CD99L2: variants seen among roughly 807,000 people sequenced by gnomAD.
The protein encoded by CD99L2 is CD99 antigen-like protein 2.
Under a neutral mutation model 27.3 loss-of-function variants are expected in CD99L2, and 24 were observed. The ratio of observed to expected loss-of-function variants is 0.88; its 90% CI spans 0.64 to 1.24. CD99L2 has a LOEUF of 1.24. Ranked by LOEUF, CD99L2 falls within the 50% of genes most tolerant of loss-of-function variation. CD99L2 has a pLI of 0.00. For missense variants in CD99L2, 255 were observed against 221.6 expected (o/e 1.15, Z -0.96); for synonymous variants, 97 against 87.9 (o/e 1.10, Z -0.58).
intron 7 of CD99L2, among the ~76,000 whole-genome samples, chrX:150,787,921 T>C (rs1313727734): frequency 1.2e-4 from 10 of 85,580 alleles, no homozygotes; most frequent in African/African-American, 5.1e-4. Flanking sequence ...TATATATATA[T>C]ATATAAAAGG....
chrX:150,897,215 CCTTT>C (rs781784462), intron 1 of CD99L2, among the ~76,000 whole-genome samples: 2 of 112,354 alleles, frequency 1.8e-5, no homozygotes, highest in African/African-American at 6.5e-5. Context: ...CCTGTAACTT[CCTTT>C]ATTTTTCTCC....
chrX:150,868,527 A>G (rs1217078888), intron 1 of CD99L2, among the ~76,000 whole-genome samples: 1 of 112,140 alleles, frequency 8.9e-6, no homozygotes, highest in African/African-American at 3.2e-5. Flanking sequence ...TGTCACACAC[A>G]TACACAAGAA....
Position 150,852,405 on chromosome X carries a change from G to T in CD99L2, c.68-21112C>A, listed in dbSNP as rs1603306128. ...TCTATCCCACCTCAGGGCCCTCAGGGGTCCCTCTGCCCGGAAGACTCCTCC... is the reference window on the plus strand; with the variant it reads ...TCTATCCCACCTCAGGGCCCTCAGGTGTCCCTCTGCCCGGAAGACTCCTCC... On this transcript the variant is annotated intron_variant, in intron 1 of 10. Coordinates refer to ENST00000370377, the MANE Select transcript of CD99L2 (RefSeq NM_031462.4). Among the ~76,000 whole-genome samples, 5 of 109,466 alleles carry T rather than the reference G, an allele frequency of 4.6e-5. No individual in the cohort carries two copies. The South Asian group carries it at 2.0e-3, about 44-fold the overall frequency.
chrX:150,797,170 G>T (rs2045810335), intron 4 of CD99L2, among the ~76,000 whole-genome samples: 1 of 110,803 alleles, frequency 9.0e-6, no homozygotes, highest in South Asian at 3.8e-4. Context: ...AGAGATCCAT[G>T]AAACTGAAAA....
chrX:150,891,649 G>A (rs1557422822), intron 1 of CD99L2, among the ~76,000 whole-genome samples: 1 of 112,067 alleles, frequency 8.9e-6, no homozygotes, highest in East Asian at 2.8e-4. Flanking sequence ...CCAGAGATCA[G>A]GACGTGGATG....
chrX:150,796,270 T>C (rs73609537), intron 4 of CD99L2, among the ~76,000 whole-genome samples: 10,819 of 112,286 alleles, frequency 0.096, 457 homozygotes, highest in Middle Eastern at 0.18. Context: ...TAAAATGTAT[T>C]GCCTATCATT....
rs1557418991 is a variant in CD99L2, at chrX:150,770,344, C to T, written c.681G>A (p.Lys227=). ...ATACCACGGCTTCCAGGTTCTCTCC[C>T]TTCACGTAGTCTGCGTTGAGACCCT... The part of the protein sequence containing the change: ...IQQGLNADYV[K]GENLEAVVCE... The change falls in exon 10 of 11, where the codon AAG becomes AAA. Residue 227 remains lysine, a synonymous_variant. Coordinates refer to ENST00000370377, the MANE Select transcript of CD99L2 (RefSeq NM_031462.4). The T allele has an allele frequency of 1.2e-5, 14 of 1,210,510 alleles. No individual in the cohort carries two copies. The highest frequency in any genetic ancestry group is 1.5e-5 in the Non-Finnish European group (13 of 895,228).
At chrX:150,816,631 CAG>C (rs2046159822) in intron 2 of CD99L2, among the ~76,000 whole-genome samples, 2 of 111,166 alleles carry the variant, frequency 1.8e-5, no homozygotes, top group East Asian at 5.7e-4. Flanking sequence ...TTGTGGAAGT[CAG>C]TGTGGCGATT....
chrX:150,833,406 T>TA (rs2046474504), intron 1 of CD99L2, among the ~76,000 whole-genome samples: 1 of 112,127 alleles, frequency 8.9e-6, no homozygotes, highest in Non-Finnish European at 1.9e-5. Flanking sequence ...AGATACGATG[T>TA]AATTTTTATC....
chrX:150,773,950 C>T (rs1557419182), intron 9 of CD99L2, among the ~76,000 whole-genome samples: 1 of 111,549 alleles, frequency 9.0e-6, no homozygotes, highest in Non-Finnish European at 1.9e-5. Flanking sequence ...CTCCTTGCCA[C>T]CCCAGCCACC....
intron 1 of CD99L2, among the ~76,000 whole-genome samples, chrX:150,893,282 A>G (rs7063917): frequency 0.29 from 31,666 of 110,146 alleles, 3,535 homozygotes; most frequent in African/African-American, 0.39. Flanking sequence ...CCATAAGGGC[A>G]ACCCTGGAGC....
At chrX:150,778,261 G>A (rs782136575) in intron 7 of CD99L2, among the ~76,000 whole-genome samples, 6 of 110,522 alleles carry the variant, frequency 5.4e-5, no homozygotes, top group African/African-American at 9.9e-5. Flanking sequence ...CTTAATTAGC[G>A]TTGAGTTCAC....
intron 1 of CD99L2, among the ~76,000 whole-genome samples, chrX:150,886,046 T>C (rs1157495534): frequency 8.9e-6 from 1 of 111,746 alleles, no homozygotes; most frequent in Non-Finnish European, 1.9e-5. Flanking sequence ...GAGTCTAAGG[T>C]ATGTTCCTAG....
chrX:150,835,445 G>A (rs782280872), intron 1 of CD99L2, among the ~76,000 whole-genome samples: 1 of 111,961 alleles, frequency 8.9e-6, no homozygotes, highest in South Asian at 3.7e-4. Flanking sequence ...AAGGAGGATC[G>A]CTGGAGGCTA....
intron 1 of CD99L2, among the ~76,000 whole-genome samples, chrX:150,860,748 C>T (rs1391799692): frequency 9.0e-6 from 1 of 111,137 alleles, no homozygotes; most frequent in African/African-American, 3.3e-5. Context: ...TAAATTTAAC[C>T]AAGGAGGTGA....
chrX:150,767,504 C>T lies in CD99L2; in HGVS notation c.*1530G>A, dbSNP rs1245442869. ...GGCCTCACAAGGCAGCCTTGAGACG[C>T]ACAGGGCTACAACTGACCACCCTCC... On this transcript the variant is annotated 3_prime_UTR_variant, in exon 11 of 11. Transcript: ENST00000370377. 8.9e-6 allele frequency: 1 copy of T among 111,817 alleles called. No individual in the cohort carries two copies. The highest frequency in any genetic ancestry group is 1.9e-5 in the Non-Finnish European group (1 of 53,157). 9.2% of individuals were successfully genotyped at this position (111,817 alleles called of 1,213,427 possible). A position where few individuals can be genotyped will look rare whatever the true frequency, so the allele number is the denominator to read the frequency against.
chrX:150,790,860 A>T (rs2045675383), intron 7 of CD99L2, among the ~76,000 whole-genome samples: 2 of 112,098 alleles, frequency 1.8e-5, no homozygotes, highest in Admixed American at 1.9e-4. Flanking sequence ...GGTGTTATGT[A>T]CTGAACATTT....
chrX:150,862,918 C>T (rs1227930022), intron 1 of CD99L2, among the ~76,000 whole-genome samples: 1 of 103,117 alleles, frequency 9.7e-6, no homozygotes, highest in African/African-American at 3.7e-5. Flanking sequence ...AATCCACCAA[C>T]CAGGTGCCCA....
intron 2 of CD99L2, among the ~76,000 whole-genome samples, chrX:150,830,742 G>A (rs1557421040): frequency 9.0e-6 from 1 of 111,349 alleles, no homozygotes; most frequent in African/African-American, 3.3e-5. Flanking sequence ...ACATTGTTAG[G>A]TATTCTTAAC....
Sources: gnomAD v4.1 joint callset for allele counts (sites outside exome capture counted in the v4.1 genomes callset) on GRCh38, gnomAD v4.1.1 for gene constraint, MANE v1.5 for transcripts, NCBI Gene and HGNC (gene_info 2026-07-23, HGNC 2026-07-21) for gene names.